Variants in SWT1 observed in about 807,000 individuals in gnomAD.
The protein encoded by SWT1 is SWT1 RNA endoribonuclease homolog.
A neutral mutation model predicts 107.3 loss-of-function variants in SWT1; 33 were observed. The ratio of observed to expected loss-of-function variants is 0.31; its 90% CI spans 0.23 to 0.41. The LOEUF is 0.41. Among genes scored for constraint, SWT1 ranks in the 10% least tolerant of loss-of-function variants. The probability of loss-of-function intolerance (pLI) is 1.00; values close to 1 mark genes in which losing one functional copy is unlikely to be tolerated. For synonymous variants in SWT1, 345 were observed against 348.3 expected (o/e 0.99, Z 0.11); for missense variants, 898 against 1,028.9 (o/e 0.87, Z 1.74).
At chr1:185,258,124 G>C (rs776370844) in intron 16 of SWT1, 14 of 151,866 alleles carry the variant, frequency 9.2e-5, no homozygotes, top group Non-Finnish European at 1.3e-4. Flanking sequence ...CTCTCTACTA[G>C]TTCGGAGGTT....
At chr1:185,179,511 A>G (rs1655845550) in intron 5 of SWT1, among the ~76,000 whole-genome samples, 1 of 152,174 alleles carries the variant, frequency 6.6e-6, no homozygotes, top group Admixed American at 6.5e-5. Flanking sequence ...TATAAAACAG[A>G]AACCCCTGGT....
intron 10 of SWT1, among the ~76,000 whole-genome samples, chr1:185,193,027 G>A (rs1233054879): frequency 6.6e-5 from 10 of 151,976 alleles, no homozygotes; most frequent in Admixed American, 1.3e-4. Flanking sequence ...ATTTGGTACC[G>A]CTATAACTGT....
At chr1:185,287,841 C>T (rs562818034) in intron 18 of SWT1, among the ~76,000 whole-genome samples, 1 of 152,306 alleles carries the variant, frequency 6.6e-6, no homozygotes, top group South Asian at 2.1e-4. Flanking sequence ...GAAGCAAAAT[C>T]TGTAGGTGAT....
chr1:185,204,998 T>G (rs1390998734), intron 12 of SWT1, 135 bp downstream of exon 12: 2 of 547,102 alleles, frequency 3.7e-6, no homozygotes, highest in Non-Finnish European at 6.2e-6. Flanking sequence ...TCTTCAAGTT[T>G]TTGAAATAGT....
chr1:185,160,824 T>C lies in SWT1; in HGVS notation c.-9-9T>C. ...AAAACAAATCCTATATTTTTAATGT[T>C]TATGTTAGCTTTTCAGGATGTCCAG... is the stretch of plus-strand genomic sequence containing the variant. On this transcript the variant is annotated splice_polypyrimidine_tract_variant and intron_variant, in intron 1 of 18. Coordinates refer to ENST00000367500, the MANE Select transcript of SWT1 (RefSeq NM_017673.7). 6.3e-7 allele frequency: 1 copy of C among 1,595,788 alleles called. No homozygotes were observed.
At chr1:185,281,809 G>A (rs1407482071) in intron 18 of SWT1, 1 of 153,200 alleles carries the variant, frequency 6.5e-6, no homozygotes, top group Non-Finnish European at 1.5e-5. Flanking sequence ...AGAGAAAAAG[G>A]AGAAAAAGTA....
intron 15 of SWT1, chr1:185,227,119 C>A: frequency 8.1e-7 from 1 of 1,228,906 alleles, no homozygotes; most frequent in Non-Finnish European, 1.2e-6. Context: ...TTCCAGTGTA[C>A]TTCTGCATTA....
In SWT1 at chr1:185,206,545, T is replaced by C. The variant is rs1658349195; in HGVS notation, c.1834-80T>C. On this transcript the variant is annotated intron_variant, in intron 12 of 18. Transcript: ENST00000367500. ...AATTATATTTTGCTCAAAATATATGTAGGAATTCCTAAATAGGTACTTTTT... is the reference window on the plus strand; with the variant it reads ...AATTATATTTTGCTCAAAATATATGCAGGAATTCCTAAATAGGTACTTTTT... The C allele has an allele frequency of 6.2e-6, 5 of 808,708 alleles. No individual in the cohort carries two copies. The South Asian group carries it at 1.1e-4, about 18-fold the overall frequency. 50.1% of individuals were successfully genotyped at this position (808,708 alleles called of 1,614,324 possible).
intron 16 of SWT1, chr1:185,263,779 G>A (rs190099099): frequency 1.4e-4 from 21 of 152,184 alleles, no homozygotes; most frequent in Admixed American, 7.2e-4. Flanking sequence ...ACTGGGACTA[G>A]AATTTTACAT....
At chr1:185,237,582 A>G (rs1419019998) in intron 16 of SWT1, among the ~76,000 whole-genome samples, 1 of 152,174 alleles carries the variant, frequency 6.6e-6, no homozygotes, top group Non-Finnish European at 1.5e-5. Context: ...TAGCATTAGG[A>G]GAAATACCTA....
chr1:185,199,552 A>C (rs539490575), intron 10 of SWT1, among the ~76,000 whole-genome samples: 2 of 151,670 alleles, frequency 1.3e-5, no homozygotes, highest in African/African-American at 4.8e-5. Context: ...AAAATTCTTT[A>C]AGATTGTTGA....
At chr1:185,160,683 T>C (rs1654064297) in intron 1 of SWT1, 150 bp from the exon 2 acceptor site, 1 of 546,670 alleles carries the variant, frequency 1.8e-6, no homozygotes, top group Non-Finnish European at 3.1e-6. Context: ...GCCTGAGCGA[T>C]GGAGCGAGAC....
At chr1:185,265,757 G>A (rs997632516) in intron 16 of SWT1, among the ~76,000 whole-genome samples, 5 of 152,178 alleles carry the variant, frequency 3.3e-5, no homozygotes, top group Non-Finnish European at 7.3e-5. Context: ...TTTAGTGGAT[G>A]CTCGATAAAT....
At chr1:185,235,890 G>A (rs1368570594) in intron 16 of SWT1, among the ~76,000 whole-genome samples, 1 of 152,066 alleles carries the variant, frequency 6.6e-6, no homozygotes. Context: ...AAAATCACAA[G>A]CATTCCTTTA....
chr1:185,173,275 C>T (rs1655241565), intron 4 of SWT1, among the ~76,000 whole-genome samples: 2 of 151,630 alleles, frequency 1.3e-5, no homozygotes, highest in African/African-American at 4.8e-5. Context: ...TAACAAATAC[C>T]ATTTCCTAGT....
At chr1:185,158,509 C>CTT (rs145202662) in intron 1 of SWT1, among the ~76,000 whole-genome samples, 31 of 138,270 alleles carry the variant, frequency 2.2e-4, no homozygotes, top group Admixed American at 9.4e-4. Flanking sequence ...GTTCTCATTT[C>CTT]TTTTTTTTTT....
intron 16 of SWT1, 140 bp from the exon 17 acceptor site, chr1:185,271,183 T>A: frequency 1.9e-6 from 1 of 538,382 alleles, no homozygotes; most frequent in South Asian, 2.5e-5. Flanking sequence ...TAATTGATTT[T>A]TAAAAATATT....
intron 10 of SWT1, among the ~76,000 whole-genome samples, chr1:185,197,574 A>G (rs1311745887): frequency 6.6e-6 from 1 of 152,096 alleles, no homozygotes; most frequent in Non-Finnish European, 1.5e-5. Context: ...TTGGCTGTGA[A>G]TCCGTCTGGT....
At position 185,257,155 on chromosome 1, in the gene SWT1, T is replaced by C. The variant is rs568549523; in HGVS notation, c.2442-14168T>C. Among the ~76,000 whole-genome samples the C allele has an allele frequency of 6.8e-3, 1,025 of 151,812 alleles. 7 individuals carry two copies. The highest frequency in any genetic ancestry group is 0.011 in the South Asian group (55 of 4,790). On this transcript the variant is annotated intron_variant, in intron 16 of 18. Transcript: ENST00000367500. ...CTGCCCGTTCTCATATCTCCAGCTGTGTGCTGGGAGAACCACTGCTCTCTT... is the reference window on the plus strand; with the variant it reads ...CTGCCCGTTCTCATATCTCCAGCTGCGTGCTGGGAGAACCACTGCTCTCTT...
Sources: allele counts gnomAD v4.1 joint callset (sites outside exome capture counted in the v4.1 genomes callset), GRCh38; gene constraint gnomAD v4.1.1; transcripts MANE v1.5; gene names NCBI Gene and HGNC (gene_info 2026-07-23, HGNC 2026-07-21).